CRACD: variants seen among roughly 807,000 people sequenced by gnomAD.
CRACD encodes capping protein inhibiting regulator of actin dynamics, also known as capping protein-inhibiting regulator of actin dynamics.
In CRACD, 56 loss-of-function variants were observed where a neutral mutation model predicts 106.8. That is an observed-to-expected ratio of 0.52 (90% CI 0.42 to 0.66). CRACD has a LOEUF of 0.66. Among genes scored for constraint, CRACD ranks in the 30% least tolerant of loss-of-function variants. CRACD has a pLI of 0.00. For missense variants in CRACD, 1,730 were observed against 1,623.2 expected (o/e 1.07, Z -1.13); for synonymous variants, 754 against 670.8 (o/e 1.12, Z -1.92).
intron 2 of CRACD, among the ~76,000 whole-genome samples, chr4:56,194,060 A>C (rs1300023962): frequency 6.6e-6 from 1 of 152,212 alleles, no homozygotes; most frequent in Non-Finnish European, 1.5e-5. Context: ...TACATAGTGA[A>C]CTATCTTGAT....
chr4:56,084,059 T>TTTTA (rs1733133178), intron 1 of CRACD, among the ~76,000 whole-genome samples: 1 of 152,118 alleles, frequency 6.6e-6, no homozygotes, highest in African/African-American at 2.4e-5. Context: ...AGGAGCAAGG[T>TTTTA]TTTAGATTAG....
intron 4 of CRACD, among the ~76,000 whole-genome samples, chr4:56,302,919 A>G (rs919833219): frequency 1.7e-4 from 26 of 152,230 alleles, no homozygotes; most frequent in Admixed American, 9.8e-4. Context: ...TTGAATGAAT[A>G]AAATATAGTT....
intron 1 of CRACD, among the ~76,000 whole-genome samples, chr4:56,130,135 G>A (rs1693752907): frequency 6.6e-6 from 1 of 152,028 alleles, no homozygotes; most frequent in South Asian, 2.1e-4. Context: ...GCTGGATATG[G>A]TGGCACCCAC....
At position 56,315,252 on chromosome 4, in the gene CRACD, G is replaced by A. The variant is rs764112066; in HGVS notation, c.1750G>A (p.Ala584Thr). 21 of 1,605,690 alleles carry A rather than the reference G, an allele frequency of 1.3e-5. No homozygotes were observed. In the South Asian group the frequency reaches 2.3e-4, roughly 18 times the overall value. Residue 584 changes from alanine (A) to threonine (T), a missense_variant, in exon 8 of 11, where the codon GCC (alanine) becomes ACC (threonine). Ala to Thr is a moderately conservative substitution (Grantham distance 58, BLOSUM62 0). Transcript: ENST00000682029. The surrounding 1 kb of genome is among the most constrained non-coding windows in gnomAD (Gnocchi z 4.1). ...KAPKASPVQH[A>T]LPSSLSVPHT... ...CCCCAAAGCCAGCCCAGTCCAGCAC[G>A]CCCTACCGTCGTCCCTGAGCGTTCC...
intron 3 of CRACD, among the ~76,000 whole-genome samples, chr4:56,292,681 C>T (rs1161588014): frequency 2.0e-5 from 3 of 152,066 alleles, no homozygotes; most frequent in Admixed American, 6.6e-5. Context: ...CCTGCCACCA[C>T]GCCCAGCTAA....
intron 1 of CRACD, among the ~76,000 whole-genome samples, chr4:56,092,093 A>G (rs1733440593): frequency 6.6e-6 from 1 of 152,200 alleles, no homozygotes; most frequent in Non-Finnish European, 1.5e-5. Flanking sequence ...CAAATAAATG[A>G]ACAAAATAGT....
At chr4:56,178,321 T>A (rs1736672114) in intron 1 of CRACD, among the ~76,000 whole-genome samples, 1 of 152,192 alleles carries the variant, frequency 6.6e-6, no homozygotes, top group East Asian at 1.9e-4. Context: ...CACTTTCTGC[T>A]AGGTTTCTCA....
At chr4:56,123,691 G>T (rs1734565088) in intron 1 of CRACD, among the ~76,000 whole-genome samples, 1 of 152,134 alleles carries the variant, frequency 6.6e-6, no homozygotes, top group Non-Finnish European at 1.5e-5. Context: ...CAGCTAGTAG[G>T]TGAAAGGCCT....
At chr4:56,141,840 C>T (rs931294690) in intron 1 of CRACD, among the ~76,000 whole-genome samples, 8 of 151,334 alleles carry the variant, frequency 5.3e-5, no homozygotes, top group African/African-American at 1.7e-4. Flanking sequence ...ACTGCAGGCA[C>T]GCGCCACCAT....
chr4:56,303,490 C>A (rs1230522466), intron 4 of CRACD, among the ~76,000 whole-genome samples: 3 of 152,130 alleles, frequency 2.0e-5, no homozygotes, highest in African/African-American at 7.2e-5. Context: ...TTTCATAGTT[C>A]CTCTCATGAC....
chr4:56,180,323 C>T (rs1736762158), intron 2 of CRACD, among the ~76,000 whole-genome samples: 1 of 151,972 alleles, frequency 6.6e-6, no homozygotes, highest in Non-Finnish European at 1.5e-5. Context: ...AACCCCATCT[C>T]TACTAAAAAC....
intron 3 of CRACD, among the ~76,000 whole-genome samples, chr4:56,284,270 A>G (rs1338059056): frequency 6.8e-6 from 1 of 146,060 alleles, no homozygotes; most frequent in East Asian, 2.1e-4. Flanking sequence ...CCTGGTCAAC[A>G]TAGTAAGAAC....
chr4:56,236,114 C>T (rs1739955015), intron 2 of CRACD, among the ~76,000 whole-genome samples: 1 of 152,146 alleles, frequency 6.6e-6, no homozygotes, highest in Non-Finnish European at 1.5e-5. Context: ...AGAGGTGTTG[C>T]AGTTACAGTA....
chr4:56,070,410 C>T (rs1732602343), intron 1 of CRACD, among the ~76,000 whole-genome samples: 1 of 151,364 alleles, frequency 6.6e-6, no homozygotes, highest in Non-Finnish European at 1.5e-5. Flanking sequence ...CGCCATTCTT[C>T]TGCCTCAGCC....
At chr4:56,182,199 G>A (rs1318867748) in intron 2 of CRACD, among the ~76,000 whole-genome samples, 1 of 151,946 alleles carries the variant, frequency 6.6e-6, no homozygotes, top group Non-Finnish European at 1.5e-5. Context: ...TGGGCAACGT[G>A]GCAAAATCCT....
chr4:56,057,069 CA>C (rs1444038958), intron 1 of CRACD, among the ~76,000 whole-genome samples: 1 of 152,068 alleles, frequency 6.6e-6, no homozygotes, highest in African/African-American at 2.4e-5. Flanking sequence ...TTAATGTTAC[CA>C]TTTTTTTACT....
chr4:56,174,609 G>A (rs1736508662), intron 1 of CRACD, among the ~76,000 whole-genome samples: 1 of 152,102 alleles, frequency 6.6e-6, no homozygotes. Flanking sequence ...GCAAATGACA[G>A]GATTTCATTT....
chr4:56,177,106 G>A (rs763687268), intron 1 of CRACD, among the ~76,000 whole-genome samples: 4 of 152,128 alleles, frequency 2.6e-5, no homozygotes, highest in East Asian at 1.9e-4. Flanking sequence ...TTGAATAAAA[G>A]TGGTGAAACT....
chr4:56,140,398 A>G (rs1458577649), intron 1 of CRACD, among the ~76,000 whole-genome samples: 1 of 152,196 alleles, frequency 6.6e-6, no homozygotes, highest in Non-Finnish European at 1.5e-5. Flanking sequence ...TGCACCTTCT[A>G]TTAGAGTTGT....
Sources: gnomAD v4.1 joint callset for allele counts (sites outside exome capture counted in the v4.1 genomes callset) on GRCh38, gnomAD v4.1.1 for gene constraint, Gnocchi (gnomAD v3.1) non-coding constraint, MANE v1.5 for transcripts, NCBI Gene and HGNC (gene_info 2026-07-23, HGNC 2026-07-21) for gene names.